DCDC1: variants seen among roughly 807,000 people sequenced by gnomAD.
DCDC1 encodes the protein doublecortin domain-containing protein 1.
DCDC1 carries 200 observed loss-of-function variants against 178.3 expected under a neutral mutation model. The observed-to-expected ratio is 1.12, with a 90% confidence interval of 1.00 to 1.26. The LOEUF is 1.26. Among genes scored for constraint, DCDC1 ranks in the 50% most tolerant of loss-of-function variants. DCDC1 has a pLI of 0.00. For missense variants in DCDC1, 1,983 were observed against 1,749.2 expected, an observed-to-expected ratio of 1.13 and a Z score of -2.38; for synonymous variants, 690 against 604.8, an observed-to-expected ratio of 1.14 and a Z score of -2.07.
chr11:31,213,117 CT>C (rs1972894154), intron 9 of DCDC1, among the ~76,000 whole-genome samples: 9 of 84,040 alleles, frequency 1.1e-4, no homozygotes, highest in Admixed American at 2.5e-4. Flanking sequence ...CTCTCTCTCT[CT>C]CTCTCTCTCT....
chr11:31,306,909 C>A (rs1257312324), intron 4 of DCDC1, among the ~76,000 whole-genome samples: 1 of 151,998 alleles, frequency 6.6e-6, no homozygotes, highest in African/African-American at 2.4e-5. Context: ...GCTCTCATTT[C>A]AAACTGTTCG....
chr11:31,241,779 C>T, intron 8 of DCDC1, 163 bp from the exon 9 acceptor site: 1 of 377,292 alleles, frequency 2.7e-6, no homozygotes, highest in Non-Finnish European at 4.7e-6. Context: ...TAGTGGCCAC[C>T]ATGAAGGATG....
intron 7 of DCDC1, among the ~76,000 whole-genome samples, chr11:31,268,746 G>A (rs1036445587): frequency 2.6e-5 from 4 of 152,086 alleles, no homozygotes; most frequent in African/African-American, 9.7e-5. Context: ...ACCAGTAATG[G>A]GATTGCTGGG....
intron 9 of DCDC1, among the ~76,000 whole-genome samples, chr11:31,174,598 G>C (rs1390681961): frequency 2.6e-5 from 4 of 152,204 alleles, no homozygotes; most frequent in Admixed American, 1.3e-4. Context: ...GGGGGCAAGG[G>C]TGCCAGGCCC....
intron 9 of DCDC1, among the ~76,000 whole-genome samples, chr11:31,218,062 C>A (rs2136638645): frequency 6.6e-6 from 1 of 151,764 alleles, no homozygotes; most frequent in Non-Finnish European, 1.5e-5. Context: ...TGGAGAAAAC[C>A]TTTTTTCCTA....
rs559639262 is a variant in DCDC1, at chr11:31,256,163, T to C, written c.1054+9344A>G. On this transcript the variant is annotated intron_variant, in intron 8 of 38. Transcript: ENST00000684477. ...TATTGGTTTATTTCTGGACTCTGAA[T>C]TCTATTCCATTGATCTATATGCCTA... Among the ~76,000 whole-genome samples the C allele has an allele frequency of 3.3e-5, 5 of 152,354 alleles. No individual in the cohort carries two copies. In the East Asian group the frequency reaches 9.6e-4, roughly 29 times the overall value.
Position 30,931,886 on chromosome 11 carries a change from T to TA in DCDC1, c.2781dup (p.Lys928Ter). 1 of 1,613,154 alleles carries TA rather than the reference T, an allele frequency of 6.2e-7. No individual in the cohort carries two copies. ...ACAGGGGCATATGGCTCTGTTGTCTTACAGATGGGTTTCTTCATGGGAGGA... is the reference window on the plus strand; with the variant it reads ...ACAGGGGCATATGGCTCTGTTGTCTTAACAGATGGGTTTCTTCATGGGAGGA... On this transcript the variant is annotated frameshift_variant, in exon 22 of 39. Transcript: ENST00000684477. LOFTEE classifies it high-confidence loss of function.
chr11:30,940,221 T>A (rs573119983), intron 21 of DCDC1, among the ~76,000 whole-genome samples: 5 of 152,302 alleles, frequency 3.3e-5, no homozygotes, highest in African/African-American at 7.2e-5. Context: ...TACATTTGTC[T>A]TATCTGAGTT....
chr11:31,280,874 C>T, intron 7 of DCDC1: 1 of 637,718 alleles, frequency 1.6e-6, no homozygotes, highest in Non-Finnish European at 3.0e-6. Context: ...TGTCTTCTGC[C>T]CGAAGAGACC....
intron 20 of DCDC1, among the ~76,000 whole-genome samples, chr11:31,056,026 G>A (rs957469767): frequency 6.6e-6 from 1 of 152,046 alleles, no homozygotes; most frequent in African/African-American, 2.4e-5. Context: ...TTAAAAATAC[G>A]TATAGAACTA....
intron 20 of DCDC1, among the ~76,000 whole-genome samples, chr11:31,063,402 G>T (rs1956063328): frequency 6.6e-6 from 1 of 152,128 alleles, no homozygotes; most frequent in Admixed American, 6.5e-5. Flanking sequence ...ACATGCACAG[G>T]TATGTTTATT....
chr11:31,055,490 C>T (rs553053867), intron 20 of DCDC1, among the ~76,000 whole-genome samples: 6 of 152,268 alleles, frequency 3.9e-5, no homozygotes, highest in Non-Finnish European at 8.8e-5. Flanking sequence ...ATCCAGCAAT[C>T]GCACTACTGG....
intron 17 of DCDC1, among the ~76,000 whole-genome samples, chr11:31,089,003 T>C (rs1446214096): frequency 4.6e-5 from 7 of 152,190 alleles, no homozygotes; most frequent in Non-Finnish European, 2.9e-5. Flanking sequence ...CCAGGCCTAG[T>C]AGCATTGTTA....
At chr11:31,184,627 C>G (rs1253956437) in intron 9 of DCDC1, among the ~76,000 whole-genome samples, 1 of 152,102 alleles carries the variant, frequency 6.6e-6, no homozygotes, top group African/African-American at 2.4e-5. Context: ...ACACACTTCC[C>G]AAAAGAAGAC....
At chr11:30,875,378 G>A (rs534830032) in intron 38 of DCDC1, among the ~76,000 whole-genome samples, 13 of 152,246 alleles carry the variant, frequency 8.5e-5, no homozygotes, top group Admixed American at 4.6e-4. Flanking sequence ...CAGAACCAGC[G>A]GTTCAATAGA....
chr11:30,979,319 A>G (rs1255751445), intron 20 of DCDC1, among the ~76,000 whole-genome samples: 1 of 152,170 alleles, frequency 6.6e-6, no homozygotes. Flanking sequence ...AGGAACACCT[A>G]TCTCTCAAGG....
chr11:31,147,072 C>T (rs7935758), intron 9 of DCDC1, among the ~76,000 whole-genome samples: 2,926 of 152,262 alleles, frequency 0.019, 84 homozygotes, highest in African/African-American at 0.066. Context: ...TACTTGTCTT[C>T]CTCCCTAAGC....
At position 31,103,756 on chromosome 11, in the gene DCDC1, G is replaced by C. The variant is rs763961683; in HGVS notation, c.1765C>G (p.Leu589Val). 2.6e-6 allele frequency: 2 copies of C among 761,806 alleles called. No homozygotes were observed. Among genetic ancestry groups the C allele is most frequent in the Non-Finnish European group, 4.8e-6 (2 of 416,760 alleles). 47.2% of individuals were successfully genotyped at this position (761,806 alleles called of 1,614,324 possible). A position where few individuals can be genotyped will look rare whatever the true frequency, so the allele number is the denominator to read the frequency against. Residue 589 changes from leucine (L) to valine (V), a missense_variant, in exon 14 of 39, where the codon CTT (leucine) becomes GTT (valine). Transcript: ENST00000684477. ...CGGTCAAAGGTCAAACCCAAAGCAA[G>C]ATTTAGTGGAGATCTGAAAAACGGA... Reference protein sequence around the residue: ...YGRAYRSPLNLALGLTFDRVS... With the variant: ...YGRAYRSPLNVALGLTFDRVS...
chr11:31,208,643 G>A (rs1431976336), intron 9 of DCDC1, among the ~76,000 whole-genome samples: 3 of 152,068 alleles, frequency 2.0e-5, no homozygotes, highest in African/African-American at 7.2e-5. Flanking sequence ...GCTCCACAAA[G>A]CTCTCTATGA....
Sources: allele counts gnomAD v4.1 joint callset (sites outside exome capture counted in the v4.1 genomes callset), GRCh38; gene constraint gnomAD v4.1.1; transcripts MANE v1.5; gene names NCBI Gene and HGNC (gene_info 2026-07-23, HGNC 2026-07-21).